Variants in AGL observed in about 807,000 individuals in gnomAD.
AGL encodes the protein amylo-alpha-1,6-glucosidase and 4-alpha-glucanotransferase.
AGL carries 128 observed loss-of-function variants against 199.3 expected under a neutral mutation model. That is an observed-to-expected ratio of 0.64 (90% CI 0.56 to 0.74). AGL has a LOEUF of 0.74. Ranked by LOEUF, AGL falls within the 30% of genes least tolerant of loss-of-function variation. AGL has a pLI of 0.00. For missense variants in AGL, 1,809 were observed against 1,820.8 expected (o/e 0.99, Z 0.12); for synonymous variants, 584 against 594.7 (o/e 0.98, Z 0.26).
chr1:99,859,236 T>C (rs1649822630), intron 2 of AGL, among the ~76,000 whole-genome samples: 1 of 152,206 alleles, frequency 6.6e-6, no homozygotes, highest in Non-Finnish European at 1.5e-5. Flanking sequence ...TTTTACTTCA[T>C]GTTTTAATTC....
At position 99,875,390 on chromosome 1, in the gene AGL, T is replaced by C. The variant is rs200607707; in HGVS notation, c.1218T>C (p.Tyr406=). 1.9e-6 allele frequency: 3 copies of C among 1,614,206 alleles called. No homozygotes were observed. The highest frequency in any genetic ancestry group is 2.7e-5 in the African/African-American group (2 of 75,068). Residue 406 remains tyrosine (Y), a synonymous_variant, in exon 10 of 34, where the codon TAT becomes TAC. Transcript: ENST00000361915. ...ATTGCCTTTTGGGAAATGTGTTTTA[T>C]GAACGACTGGCTGGCCATGGTCCAA... is the stretch of plus-strand genomic sequence containing the variant. ...AVNCLLGNVF[Y]ERLAGHGPKL... is the part of the protein sequence containing the mutation.
chr1:99,876,911 A>G (rs993689757), intron 11 of AGL, among the ~76,000 whole-genome samples: 5 of 152,212 alleles, frequency 3.3e-5, no homozygotes, highest in Non-Finnish European at 7.3e-5. Flanking sequence ...TTTTACAGAC[A>G]AGTTTGAAAC....
chr1:99,876,889 ATAT>A (rs1409704488), intron 11 of AGL, among the ~76,000 whole-genome samples: 4 of 152,178 alleles, frequency 2.6e-5, no homozygotes, highest in African/African-American at 7.2e-5. Context: ...TTTGGACAAA[ATAT>A]TATTGCATTT....
At position 99,881,189 on chromosome 1, in the gene AGL, T is replaced by C. The variant is rs755342015; in HGVS notation, c.2001+12T>C. On this transcript the variant is annotated intron_variant, in intron 15 of 33. Transcript: ENST00000361915. ...TAGTGCCTCATCAGGTTTGTTTATA[T>C]GTTGTTTCTTAAAACCTACATGGCC... The C allele has an allele frequency of 4.3e-6, 7 of 1,613,064 alleles. No homozygotes were observed. The East Asian group carries it at 1.6e-4, about 36-fold the overall frequency.
intron 2 of AGL, among the ~76,000 whole-genome samples, chr1:99,853,666 C>G (rs1363588600): frequency 1.3e-5 from 2 of 151,392 alleles, no homozygotes; most frequent in African/African-American, 2.4e-5. Flanking sequence ...GGCTGGAGGA[C>G]CACTTGAGGC....
chr1:99,916,036 TATTA>T (rs1655088594), intron 31 of AGL, among the ~76,000 whole-genome samples: 1 of 152,168 alleles, frequency 6.6e-6, no homozygotes, highest in Non-Finnish European at 1.5e-5. Flanking sequence ...CTTTAATTTT[TATTA>T]ATTCAAATTA....
At chr1:99,877,472 A>G (rs1388822366) in intron 11 of AGL, among the ~76,000 whole-genome samples, 169 bp from the exon 12 acceptor site, 2 of 152,216 alleles carry the variant, frequency 1.3e-5, no homozygotes, top group Non-Finnish European at 2.9e-5. Context: ...TGAGAAATAA[A>G]TAATTATTAA....
At chr1:99,888,172 T>C (rs1306040528) in intron 21 of AGL, 64 bp downstream of exon 21, 5 of 1,595,272 alleles carry the variant, frequency 3.1e-6, no homozygotes, top group Non-Finnish European at 4.3e-6. Context: ...GTGTCTTCTT[T>C]ACAGACATAG....
rs1171598664 is a variant in AGL at position 99,910,725 on chromosome 1, T to C, written c.3714T>C (p.Thr1238=). The C allele has an allele frequency of 6.2e-7, 1 of 1,604,726 alleles. No individual in the cohort carries two copies. Among genetic ancestry groups the C allele is most frequent in the African/African-American group, 1.3e-5 (1 of 74,750 alleles). The change falls in exon 28 of 34, where the codon ACT becomes ACC. Residue 1238 remains threonine, a synonymous_variant. Transcript: ENST00000361915. ...RNMKDEGFNI[T]AGVDEETGFV... ...TTTGTTTTTTAGGTTTTAATATAAC[T>C]GCAGGAGTTGATGAAGAAACAGGAT...
intron 10 of AGL, among the ~76,000 whole-genome samples, chr1:99,875,961 G>A (rs1275677252): frequency 2.6e-5 from 4 of 152,218 alleles, no homozygotes; most frequent in Admixed American, 6.5e-5. Context: ...TGCAACCTCC[G>A]CCTCCAGGGT....
In AGL at chr1:99,870,459, C is replaced by G. The variant is rs530123638; in HGVS notation, c.724C>G (p.Pro242Ala). The G allele has an allele frequency of 1.9e-6, 3 of 1,613,986 alleles. No individual in the cohort carries two copies. Among genetic ancestry groups the G allele is most frequent in the South Asian group, 2.2e-5 (2 of 91,076 alleles). The change falls in exon 6 of 34, where the codon CCA becomes GCA. Residue 242 changes from proline (P) to alanine (A), a missense_variant. Physicochemically the swap from Pro to Ala is conservative, Grantham distance 27. Transcript: ENST00000361915. ...ATGTGCCTATAATCTTGTGAATTCT[C>G]CACACTTAAAACCTGCCTGGGTCTT... is the stretch of plus-strand genomic sequence containing the variant. Reference protein sequence around the residue: ...PECAYNLVNSPHLKPAWVLDR... With the variant: ...PECAYNLVNSAHLKPAWVLDR...
intron 24 of AGL, 151 bp from the exon 25 acceptor site, chr1:99,896,135 A>G (rs1653294603): frequency 3.0e-6 from 2 of 677,324 alleles, no homozygotes; most frequent in South Asian, 3.5e-5. Context: ...ATAGACATAC[A>G]TTTTGCAAAT....
At chr1:99,918,611 A>G (rs1655302209) in intron 33 of AGL, among the ~76,000 whole-genome samples, 1 of 152,132 alleles carries the variant, frequency 6.6e-6, no homozygotes, top group South Asian at 2.1e-4. Context: ...GGCATGAGCC[A>G]CCACACCCAG....
intron 12 of AGL, among the ~76,000 whole-genome samples, chr1:99,879,584 C>CAATAAATAAATA (rs199927371): frequency 1.3e-5 from 2 of 151,046 alleles, no homozygotes; most frequent in South Asian, 2.1e-4. Flanking sequence ...AACTTGGTCT[C>CAATAAATAAATA]AATAAATAAA....
rs1319495214 is a variant in AGL at position 99,880,752 on chromosome 1, C to G, written c.1856C>G (p.Ala619Gly). ...CCTTTAATGCCAGCTATTGCACATG[C>G]CCTGTTTATGGATATTACGCATGAT... Reference protein sequence around the residue: ...LRPLMPAIAHALFMDITHDNE... With the variant: ...LRPLMPAIAHGLFMDITHDNE... The change falls in exon 14 of 34, where the codon GCC (alanine) becomes GGC (glycine). Residue 619 changes from alanine (A) to glycine (G), a missense_variant. Ala to Gly is a moderately conservative substitution (Grantham distance 60, BLOSUM62 0). Coordinates refer to ENST00000361915, the MANE Select transcript of AGL (RefSeq NM_000642.3). 2 of 1,613,882 alleles carry G rather than the reference C, an allele frequency of 1.2e-6. No individual in the cohort carries two copies. The highest frequency in any genetic ancestry group is 1.7e-6 in the Non-Finnish European group (2 of 1,179,964).
At chr1:99,869,553 C>G (rs1650813244) in intron 5 of AGL, among the ~76,000 whole-genome samples, 1 of 152,146 alleles carries the variant, frequency 6.6e-6, no homozygotes, top group Non-Finnish European at 1.5e-5. Context: ...TTACTTAACT[C>G]TCTGTGCTTC....
intron 2 of AGL, among the ~76,000 whole-genome samples, chr1:99,854,851 G>A (rs1165998315): frequency 1.3e-5 from 2 of 151,922 alleles, no homozygotes; most frequent in Non-Finnish European, 2.9e-5. Flanking sequence ...GCATTGAGAA[G>A]GCTATTTTAA....
Position 99,918,358 on chromosome 1 carries a change from G to C in AGL, c.4481+1627G>C, listed in dbSNP as rs536177846. ...CTTCCATGTCTCTGCTTAATGTTTT[G>C]AACATGTGGAATATGATTACAGTGA... On this transcript the variant is annotated intron_variant, in intron 33 of 33. Transcript: ENST00000361915. 1.2e-4 allele frequency among the ~76,000 whole-genome samples: 19 copies of C among 152,144 alleles called. No individual in the cohort carries two copies. In the South Asian group the frequency reaches 3.9e-3, roughly 32 times the overall value.
intron 27 of AGL, among the ~76,000 whole-genome samples, chr1:99,909,210 C>A (rs1462820274): frequency 6.6e-6 from 1 of 151,828 alleles, no homozygotes; most frequent in East Asian, 1.9e-4. Context: ...AGTCTATACT[C>A]CCCACCCAGT....
Sources: allele counts gnomAD v4.1 joint callset (sites outside exome capture counted in the v4.1 genomes callset), GRCh38; gene constraint gnomAD v4.1.1; transcripts MANE v1.5; gene names NCBI Gene and HGNC (gene_info 2026-07-23, HGNC 2026-07-21).